ZNF385B: variants seen among roughly 807,000 people sequenced by gnomAD.
ZNF385B encodes zinc finger protein 533.
Under a neutral mutation model 39.2 loss-of-function variants are expected in ZNF385B, and 23 were observed. The observed-to-expected ratio is 0.59, with a 90% CI of 0.42 to 0.83. The LOEUF is 0.83. Ranked by LOEUF, ZNF385B falls within the 40% of genes least tolerant of loss-of-function variation. The pLI, the probability that ZNF385B is intolerant of heterozygous loss-of-function variation, is 0.00. For missense variants in ZNF385B, 552 were observed against 598.9 expected, an observed-to-expected ratio of 0.92 and a Z score of 0.82; for synonymous variants, 205 against 222.6, an observed-to-expected ratio of 0.92 and a Z score of 0.70.
At chr2:179,710,936 C>A (rs747955578) in intron 3 of ZNF385B, among the ~76,000 whole-genome samples, 2 of 152,146 alleles carry the variant, frequency 1.3e-5, no homozygotes, top group African/African-American at 4.8e-5. Context: ...ACAATTGCAC[C>A]TCGTGTAGTG....
chr2:179,496,959 G>T (rs753975941), intron 5 of ZNF385B, among the ~76,000 whole-genome samples: 1 of 152,170 alleles, frequency 6.6e-6, no homozygotes, highest in Non-Finnish European at 1.5e-5. Context: ...TGAGGCTCAG[G>T]AATCACTTGA....
chr2:179,611,985 G>A (rs1689327171), intron 3 of ZNF385B, among the ~76,000 whole-genome samples: 1 of 151,326 alleles, frequency 6.6e-6, no homozygotes, highest in South Asian at 2.1e-4. Flanking sequence ...TCCTCTTCTT[G>A]TTCTTTTGTT....
intron 3 of ZNF385B, among the ~76,000 whole-genome samples, chr2:179,729,222 T>A (rs1408580518): frequency 1.3e-5 from 2 of 150,748 alleles, no homozygotes; most frequent in African/African-American, 4.9e-5. Flanking sequence ...TTCTAGGACA[T>A]CCTGAAAGAC....
At chr2:179,497,222 T>C (rs893279042) in intron 5 of ZNF385B, among the ~76,000 whole-genome samples, 1 of 152,178 alleles carries the variant, frequency 6.6e-6, no homozygotes, top group Non-Finnish European at 1.5e-5. Context: ...CAAAACTCAC[T>C]TGTAATAGTA....
chr2:179,549,174 C>G (rs1322836030), intron 3 of ZNF385B, among the ~76,000 whole-genome samples: 2 of 149,280 alleles, frequency 1.3e-5, no homozygotes, highest in Non-Finnish European at 3.0e-5. Flanking sequence ...TAATAATATT[C>G]CATTGTATGG....
intron 3 of ZNF385B, among the ~76,000 whole-genome samples, chr2:179,594,339 T>G (rs907198221): frequency 6.6e-6 from 1 of 152,198 alleles, no homozygotes; most frequent in Non-Finnish European, 1.5e-5. Flanking sequence ...TACTCAAAGC[T>G]ACTGAAAATG....
At chr2:179,739,272 C>T (rs1476112085) in intron 3 of ZNF385B, among the ~76,000 whole-genome samples, 1 of 152,198 alleles carries the variant, frequency 6.6e-6, no homozygotes, top group Non-Finnish European at 1.5e-5. Flanking sequence ...TTTAAAAGGA[C>T]AATGATAATA....
intron 6 of ZNF385B, among the ~76,000 whole-genome samples, chr2:179,472,765 C>A (rs985194383): frequency 6.6e-6 from 1 of 152,176 alleles, no homozygotes; most frequent in Non-Finnish European, 1.5e-5. Context: ...CATACCCCCC[C>A]TCCCTAGCCT....
intron 3 of ZNF385B, among the ~76,000 whole-genome samples, chr2:179,623,275 T>A (rs1471640203): frequency 2.6e-5 from 4 of 152,114 alleles, no homozygotes; most frequent in Non-Finnish European, 5.9e-5. Flanking sequence ...ATTTGTCTTT[T>A]TTTTTTTTAA....
At chr2:179,714,767 G>A (rs1398273968) in intron 3 of ZNF385B, among the ~76,000 whole-genome samples, 2 of 151,558 alleles carry the variant, frequency 1.3e-5, no homozygotes, top group African/African-American at 2.4e-5. Context: ...CCAACATGGT[G>A]AAAACCTATC....
chr2:179,669,339 T>C (rs1288572634), intron 3 of ZNF385B, among the ~76,000 whole-genome samples: 1 of 152,210 alleles, frequency 6.6e-6, no homozygotes. Context: ...ATTGGTTACA[T>C]ATTAAAACCA....
Position 179,442,213 on chromosome 2 carries a change from T to C in ZNF385B, c.*1037A>G, listed in dbSNP as rs1371495252. ...TTCAGCGAACAGAAAGACAAATTGTTCAATTATAAATTTTTTTATCTTCTG... is the reference window on the plus strand; with the variant it reads ...TTCAGCGAACAGAAAGACAAATTGTCCAATTATAAATTTTTTTATCTTCTG... On this transcript the variant is annotated 3_prime_UTR_variant, in exon 10 of 10. Transcript: ENST00000410066. 3 of 152,624 alleles carry C rather than the reference T, an allele frequency of 2.0e-5. No individual in the cohort carries two copies. Among genetic ancestry groups the C allele is most frequent in the Admixed American group, 2.0e-4 (3 of 15,282 alleles). The allele number at this position is 152,624 out of a possible 1,614,324, so 9.5% of individuals were successfully genotyped here. A position where few individuals can be genotyped will look rare whatever the true frequency, so the allele number is the denominator to read the frequency against.
chr2:179,546,022 T>C lies in ZNF385B; in HGVS notation c.299-1053A>G, dbSNP rs113467293. ...TCTAACTATATTTTTATTTTTTTAA[T>C]TTTAATTTAACTTTATTATTACTAT... On this transcript the variant is annotated intron_variant, in intron 3 of 9. Coordinates refer to ENST00000410066, the MANE Select transcript of ZNF385B (RefSeq NM_152520.6). 6.6e-5 allele frequency among the ~76,000 whole-genome samples: 10 copies of C among 152,244 alleles called. 1 individual carries two copies. Among genetic ancestry groups the C allele is most frequent in the African/African-American group, 2.4e-4 (10 of 41,546 alleles).
intron 1 of ZNF385B, among the ~76,000 whole-genome samples, chr2:179,845,520 GATAAAGTCA>G (rs1439092063): frequency 6.6e-6 from 1 of 152,068 alleles, no homozygotes; most frequent in African/African-American, 2.4e-5. Flanking sequence ...AAGGATCAAG[GATAAAGTCA>G]TCATCCAAAG....
intron 3 of ZNF385B, among the ~76,000 whole-genome samples, chr2:179,680,726 G>A (rs1201436822): frequency 6.6e-6 from 1 of 152,010 alleles, no homozygotes; most frequent in African/African-American, 2.4e-5. Context: ...ACTTAAGAAT[G>A]TTAAATATTA....
intron 5 of ZNF385B, among the ~76,000 whole-genome samples, chr2:179,486,577 A>G (rs2054590371): frequency 6.6e-6 from 1 of 152,196 alleles, no homozygotes; most frequent in South Asian, 2.1e-4. Flanking sequence ...AATTCATGGG[A>G]AATATGCTAA....
At chr2:179,835,781 T>G (rs181075417) in intron 1 of ZNF385B, among the ~76,000 whole-genome samples, 1 of 151,992 alleles carries the variant, frequency 6.6e-6, no homozygotes, top group Admixed American at 6.6e-5. Context: ...CTGGCTGGGG[T>G]GTCACTCTCT....
chr2:179,516,866 G>GT (rs35338915), intron 5 of ZNF385B, among the ~76,000 whole-genome samples: 2 of 149,820 alleles, frequency 1.3e-5, no homozygotes, highest in Non-Finnish European at 3.0e-5. Context: ...AAGTTTAATA[G>GT]TTTTTTTAAA....
intron 3 of ZNF385B, among the ~76,000 whole-genome samples, chr2:179,725,749 C>T (rs1015776743): frequency 6.6e-6 from 1 of 151,096 alleles, no homozygotes; most frequent in Non-Finnish European, 1.5e-5. Flanking sequence ...TATTTGATAG[C>T]AATGACTATG....
Sources: gnomAD v4.1 joint callset for allele counts (sites outside exome capture counted in the v4.1 genomes callset) on GRCh38, gnomAD v4.1.1 for gene constraint, MANE v1.5 for transcripts, NCBI Gene and HGNC (gene_info 2026-07-23, HGNC 2026-07-21) for gene names.